Variants in INO80D observed in about 807,000 individuals in gnomAD.
INO80D encodes the protein INO80 complex subunit D.
In INO80D, 21 loss-of-function variants were observed where a neutral mutation model predicts 87.6. That is an observed-to-expected ratio of 0.24 (90% CI 0.17 to 0.35). The LOEUF (loss-of-function observed/expected upper bound fraction) is 0.35. Among genes scored for constraint, INO80D ranks in the 10% least tolerant of loss-of-function variants. The pLI, the probability that INO80D is intolerant of heterozygous loss-of-function variation, is 1.00. For missense variants in INO80D, 982 were observed against 1,280.7 expected (o/e 0.77, Z 3.56); for synonymous variants, 440 against 491.0 (o/e 0.90, Z 1.37).
chr2:206,079,269 C>T (rs7565764), intron 1 of INO80D, among the ~76,000 whole-genome samples: 8,060 of 152,142 alleles, frequency 0.053, 270 homozygotes, highest in African/African-American at 0.086. Flanking sequence ...GACAGGGTTT[C>T]ACCACTTTGC....
intron 1 of INO80D, among the ~76,000 whole-genome samples, chr2:206,078,052 C>T (rs1024761092): frequency 4.1e-5 from 2 of 48,614 alleles, no homozygotes; most frequent in African/African-American, 1.1e-4. Flanking sequence ...CAAGTTGTTG[C>T]AATGTTTACA....
At chr2:206,045,867 C>T (rs1239821459) in intron 5 of INO80D, among the ~76,000 whole-genome samples, 2 of 152,158 alleles carry the variant, frequency 1.3e-5, no homozygotes, top group East Asian at 3.9e-4. Context: ...TCCACGTAGC[C>T]CCCCAAGGGA....
Position 206,056,674 on chromosome 2 carries a change from C to G in INO80D, c.488G>C (p.Gly163Ala). Reference sequence around the variant, plus strand: ...CTGCAACTTCTTTCTCACAGTTGCCCCTTTCTTTAGGTCATCATCTTCCTC... The same window carrying G: ...CTGCAACTTCTTTCTCACAGTTGCCGCTTTCTTTAGGTCATCATCTTCCTC... ...FNEEDDDLKK[G>A]ATVRKKLQSK... Residue 163 changes from glycine (G) to alanine (A), a missense_variant, in exon 4 of 11, where the codon GGG becomes GCG. Coordinates refer to ENST00000403263, the MANE Select transcript of INO80D (RefSeq NM_017759.5). 6.2e-7 allele frequency: 1 copy of G among 1,613,386 alleles called. No homozygotes were observed. The highest frequency in any genetic ancestry group is 8.5e-7 in the Non-Finnish European group (1 of 1,179,678).
intron 1 of INO80D, among the ~76,000 whole-genome samples, chr2:206,073,488 T>A (rs1157366088): frequency 6.6e-6 from 1 of 152,114 alleles, no homozygotes; most frequent in Non-Finnish European, 1.5e-5. Context: ...ATATAAATAC[T>A]ATCGCATTTT....
intron 1 of INO80D, among the ~76,000 whole-genome samples, chr2:206,071,492 G>A (rs138777444): frequency 6.9e-4 from 94 of 136,888 alleles, no homozygotes; most frequent in African/African-American, 2.4e-3. Context: ...TTTATTCTCC[G>A]ACAGCTTCAG....
intron 1 of INO80D, among the ~76,000 whole-genome samples, chr2:206,073,073 A>C (rs1690018198): frequency 6.6e-6 from 1 of 152,020 alleles, no homozygotes; most frequent in Admixed American, 6.6e-5. Context: ...CCTAGCCTCA[A>C]GTGATCCTCC....
chr2:206,007,267 C>T lies in INO80D; in HGVS notation c.1918+17G>A, dbSNP rs886681699. 3.7e-6 allele frequency: 6 copies of T among 1,604,188 alleles called. No individual in the cohort carries two copies. In the African/African-American group the frequency reaches 5.4e-5, roughly 14 times the overall value. On this transcript the variant is annotated intron_variant, in intron 10 of 10. Transcript: ENST00000403263. ...ATTTTTAAAACCAGTTTCCTTGAGT[C>T]AAAATATTGACTATACCTTCAAAAA...
chr2:206,013,670 T>C (rs11896985), intron 8 of INO80D, among the ~76,000 whole-genome samples: 1 of 152,042 alleles, frequency 6.6e-6, no homozygotes, highest in East Asian at 1.9e-4. Flanking sequence ...CTTAGAAGTA[T>C]GCCGGAATGG....
At chr2:206,033,935 CAAAA>C (rs1183361801) in intron 5 of INO80D, among the ~76,000 whole-genome samples, 1 of 151,992 alleles carries the variant, frequency 6.6e-6, no homozygotes, top group African/African-American at 2.4e-5. Context: ...TACTGAAATA[CAAAA>C]GATCATTCAA....
chr2:206,005,502 T>G lies in INO80D; in HGVS notation c.1950A>C (p.Glu650Asp), dbSNP rs1376593136. 2 of 1,613,188 alleles carry G rather than the reference T, an allele frequency of 1.2e-6. No individual in the cohort carries two copies. The highest frequency in any genetic ancestry group is 3.3e-5 in the Admixed American group (2 of 60,006). ...AGGCCCGTTCAAGCTCCTCAGCCTCTTCGGTAGTTGGGAGGAGGTCTCCAT... is the reference window on the plus strand; with the variant it reads ...AGGCCCGTTCAAGCTCCTCAGCCTCGTCGGTAGTTGGGAGGAGGTCTCCAT... The part of the protein sequence containing the change: ...GKNGDLLPTT[E>D]EAEELERALQ... Residue 650 changes from glutamate to aspartate, a missense_variant, in exon 11 of 11, where the codon GAA (glutamate) becomes GAC (aspartate). Physicochemically the swap from Glu to Asp is conservative, Grantham distance 45. Transcript: ENST00000403263.
At chr2:206,044,482 A>T (rs776416598) in intron 5 of INO80D, among the ~76,000 whole-genome samples, 14 of 42,040 alleles carry the variant, frequency 3.3e-4, no homozygotes, top group East Asian at 1.0e-3. Flanking sequence ...AATACCTGTT[A>T]AAAAAAAAAA....
chr2:206,070,977 T>C (rs1689948897), intron 1 of INO80D, among the ~76,000 whole-genome samples: 1 of 151,670 alleles, frequency 6.6e-6, no homozygotes, highest in South Asian at 2.1e-4. Context: ...AATCCTTTTC[T>C]TTTCTTTTTC....
chr2:206,055,178 A>G (rs1689480915), intron 4 of INO80D, among the ~76,000 whole-genome samples: 1 of 152,200 alleles, frequency 6.6e-6, no homozygotes, highest in Non-Finnish European at 1.5e-5. Flanking sequence ...CTGTCATATT[A>G]TGCAAATAAT....
At chr2:206,025,286 G>C (rs1688574712) in intron 6 of INO80D, among the ~76,000 whole-genome samples, 2 of 151,006 alleles carry the variant, frequency 1.3e-5, no homozygotes, top group Admixed American at 1.3e-4. Flanking sequence ...CCAGCACTTT[G>C]GGAGGCCGAG....
rs1047898937 is a variant in INO80D, at chr2:206,053,381, G to A, written c.964+2817C>T. Among the ~76,000 whole-genome samples the A allele has an allele frequency of 3.9e-5, 6 of 152,080 alleles. 1 individual carries two copies. Among genetic ancestry groups the A allele is most frequent in the Admixed American group, 3.3e-4 (5 of 15,264 alleles). On this transcript the variant is annotated intron_variant, in intron 4 of 10. Coordinates refer to ENST00000403263, the MANE Select transcript of INO80D (RefSeq NM_017759.5). ...TTTAAACCAGGTTACAAAACAGCAT[G>A]TATAGTAAGAGCCCAATTTTATATA...
At chr2:206,043,663 A>G (rs1689114967) in intron 5 of INO80D, among the ~76,000 whole-genome samples, 1 of 149,366 alleles carries the variant, frequency 6.7e-6, no homozygotes, top group African/African-American at 2.5e-5. Context: ...AATTTTTTCT[A>G]TTTTTAGTAG....
In INO80D at chr2:206,059,303, C is replaced by G. The variant is rs140636098; in HGVS notation, c.219-2360G>C. 3.4e-4 allele frequency among the ~76,000 whole-genome samples: 52 copies of G among 152,018 alleles called. 1 individual carries two copies. The highest frequency in any genetic ancestry group is 3.2e-3 in the Middle Eastern group (1 of 316). Reference sequence around the variant, plus strand: ...AGCTGAGGCAGCAAAATCCCTTGAACCCATGAGGTAGAGGCTGCAGTGAGC... The same window carrying G: ...AGCTGAGGCAGCAAAATCCCTTGAAGCCATGAGGTAGAGGCTGCAGTGAGC... On this transcript the variant is annotated intron_variant, in intron 3 of 10. Coordinates refer to ENST00000403263, the MANE Select transcript of INO80D (RefSeq NM_017759.5).
intron 4 of INO80D, among the ~76,000 whole-genome samples, chr2:206,049,688 C>T (rs978156280): frequency 2.2e-4 from 33 of 152,286 alleles, no homozygotes; most frequent in African/African-American, 7.7e-4. Context: ...AATAATAAGA[C>T]TGAGTTTTTA....
Position 206,000,312 on chromosome 2 carries a change from C to T in INO80D, c.*4056G>A, listed in dbSNP as rs922019643. On this transcript the variant is annotated 3_prime_UTR_variant, in exon 11 of 11. Coordinates refer to ENST00000403263, the MANE Select transcript of INO80D (RefSeq NM_017759.5). ...TGCAATACCAACCCATAGCGACCTT[C>T]TGAACTAACCTGGAGGAGAGGAGAT... 7 of 151,710 alleles carry T rather than the reference C, an allele frequency of 4.6e-5. No homozygotes were observed. The highest frequency in any genetic ancestry group is 1.7e-4 in the African/African-American group (7 of 41,248). The allele number at this position is 151,710 out of a possible 1,614,324, so 9.4% of individuals were successfully genotyped here.
Sources: allele counts gnomAD v4.1 joint callset (sites outside exome capture counted in the v4.1 genomes callset), GRCh38; gene constraint gnomAD v4.1.1; transcripts MANE v1.5; gene names NCBI Gene and HGNC (gene_info 2026-07-23, HGNC 2026-07-21).